The following MDGA2 variants were observed in gnomAD, a reference collection of about 807,000 sequenced individuals.
MDGA2 encodes MAM domain-containing glycosylphosphatidylinositol anchor protein 2.
MDGA2 carries 40 observed loss-of-function variants against 117.8 expected under a neutral mutation model. The observed-to-expected ratio is 0.34, with a 90% CI of 0.26 to 0.44. MDGA2 has a LOEUF of 0.44. MDGA2 is among the 20% of genes least tolerant of loss of function. MDGA2 has a pLI of 1.00. For missense variants in MDGA2, 1,123 were observed against 1,250.6 expected, an observed-to-expected ratio of 0.90 and a Z score of 1.54; for synonymous variants, 452 against 439.0, an observed-to-expected ratio of 1.03 and a Z score of -0.37.
At chr14:47,004,702 C>T (rs957422210) in intron 8 of MDGA2, among the ~76,000 whole-genome samples, 5 of 151,728 alleles carry the variant, frequency 3.3e-5, no homozygotes, top group East Asian at 1.9e-4. Flanking sequence ...TCACAATTTG[C>T]GAATAACTCA....
chr14:47,450,385 G>C (rs559326332), intron 1 of MDGA2, among the ~76,000 whole-genome samples: 41 of 152,070 alleles, frequency 2.7e-4, no homozygotes, highest in Admixed American at 1.2e-3. Flanking sequence ...ACTTAAATGA[G>C]CATCATCTAT....
At chr14:47,634,968 G>A (rs373163858) in intron 1 of MDGA2, among the ~76,000 whole-genome samples, 1 of 151,940 alleles carries the variant, frequency 6.6e-6, no homozygotes, top group South Asian at 2.1e-4. Context: ...GTGACCTCAG[G>A]CAAGTGACTT....
intron 5 of MDGA2, among the ~76,000 whole-genome samples, chr14:47,125,813 T>G (rs1242783390): frequency 1.3e-5 from 2 of 152,024 alleles, no homozygotes; most frequent in Non-Finnish European, 2.9e-5. Context: ...CCTATCCCTT[T>G]TTTATACACT....
At chr14:47,181,233 T>G (rs913100555) in intron 3 of MDGA2, among the ~76,000 whole-genome samples, 4 of 152,100 alleles carry the variant, frequency 2.6e-5, no homozygotes, top group Admixed American at 6.6e-5. Context: ...TCCCTCTCCT[T>G]GTCCCCCACC....
intron 1 of MDGA2, among the ~76,000 whole-genome samples, chr14:47,315,409 A>G (rs1330494318): frequency 6.6e-6 from 1 of 152,140 alleles, no homozygotes; most frequent in Non-Finnish European, 1.5e-5. Context: ...TAACTTCTAA[A>G]AAGTTTGCCT....
At position 47,408,103 on chromosome 14, in the gene MDGA2, T is replaced by C. The variant is rs957950801; in HGVS notation, c.281-106553A>G. On this transcript the variant is annotated intron_variant, in intron 1 of 16. Transcript: ENST00000399232. ...GTGGCATCTTGCTCTGTTGCCAGGC[T>C]GGAGTGCAGTGGCACAATCTTGGCT... Among the ~76,000 whole-genome samples, 3 of 140,538 alleles carry C rather than the reference T, an allele frequency of 2.1e-5. No homozygotes were observed. The East Asian group carries it at 6.5e-4, about 31-fold the overall frequency. The allele number at this position is 140,538 out of a possible 152,430, so 92.2% of individuals were successfully genotyped here.
chr14:46,914,774 GT>G (rs1180937364), intron 10 of MDGA2, among the ~76,000 whole-genome samples: 1 of 152,050 alleles, frequency 6.6e-6, no homozygotes, highest in Non-Finnish European at 1.5e-5. Context: ...AATGCATTAT[GT>G]AATCAAGGCA....
At chr14:47,495,561 T>C (rs1894264303) in intron 1 of MDGA2, among the ~76,000 whole-genome samples, 1 of 152,224 alleles carries the variant, frequency 6.6e-6, no homozygotes, top group South Asian at 2.1e-4. Flanking sequence ...TTTCAAATTA[T>C]ATACCCCCTA....
intron 1 of MDGA2, among the ~76,000 whole-genome samples, chr14:47,462,692 T>C (rs1207657019): frequency 6.6e-6 from 1 of 152,178 alleles, no homozygotes; most frequent in Non-Finnish European, 1.5e-5. Flanking sequence ...ACTATCAATG[T>C]AGAAGTTTTG....
chr14:47,155,447 C>T (rs1409714561), intron 3 of MDGA2, among the ~76,000 whole-genome samples: 2 of 152,158 alleles, frequency 1.3e-5, no homozygotes, highest in Non-Finnish European at 2.9e-5. Flanking sequence ...GTGACACTCT[C>T]TTCGGAGCTC....
chr14:47,035,664 A>G (rs1888820601), intron 7 of MDGA2, among the ~76,000 whole-genome samples: 1 of 152,102 alleles, frequency 6.6e-6, no homozygotes, highest in East Asian at 1.9e-4. Context: ...AGTAGTCACA[A>G]TAAGTGCAAG....
intron 10 of MDGA2, among the ~76,000 whole-genome samples, chr14:46,885,824 G>A (rs1882651609): frequency 6.6e-6 from 1 of 152,092 alleles, no homozygotes; most frequent in African/African-American, 2.4e-5. Flanking sequence ...GATGTGCCAA[G>A]GAGGACGCTG....
At chr14:47,276,573 T>C (rs1047254781) in intron 2 of MDGA2, among the ~76,000 whole-genome samples, 2 of 152,158 alleles carry the variant, frequency 1.3e-5, no homozygotes, top group Admixed American at 6.5e-5. Flanking sequence ...GGTCATACTA[T>C]AATTCCATTT....
rs185691987 is a variant in MDGA2, at chr14:47,395,323, C to A, written c.281-93773G>T. On this transcript the variant is annotated intron_variant, in intron 1 of 16. Coordinates refer to ENST00000399232, the MANE Select transcript of MDGA2 (RefSeq NM_001113498.3). ...TATACCAGTTTTGAAAATAAGTTCA[C>A]AATATGTAGTCATATCCCAGAGTGT... Among the ~76,000 whole-genome samples the A allele has an allele frequency of 2.0e-5, 3 of 152,130 alleles. No homozygotes were observed. In the East Asian group the frequency reaches 5.8e-4, roughly 29 times the overall value.
At chr14:47,079,784 T>G in intron 6 of MDGA2, among the ~76,000 whole-genome samples, 1 of 129,096 alleles carries the variant, frequency 7.7e-6, no homozygotes, top group Non-Finnish European at 1.6e-5. Context: ...CAGGCTGGAG[T>G]GCAGTGGCGC....
intron 2 of MDGA2, among the ~76,000 whole-genome samples, chr14:47,226,515 G>C (rs1886508784): frequency 6.6e-6 from 1 of 151,998 alleles, no homozygotes; most frequent in Non-Finnish European, 1.5e-5. Context: ...TAAACAATCG[G>C]AGAAAACAGA....
intron 1 of MDGA2, among the ~76,000 whole-genome samples, chr14:47,516,323 A>G (rs1174350086): frequency 6.6e-6 from 1 of 152,164 alleles, no homozygotes; most frequent in Non-Finnish European, 1.5e-5. Context: ...CCTGTAGCAG[A>G]CATTTATTGT....
chr14:47,170,096 A>G (rs1251196693), intron 3 of MDGA2, among the ~76,000 whole-genome samples: 1 of 152,148 alleles, frequency 6.6e-6, no homozygotes, highest in Non-Finnish European at 1.5e-5. Flanking sequence ...TCATACATGA[A>G]CACAGAGCTC....
At chr14:47,006,140 T>C (rs1887700965) in intron 8 of MDGA2, among the ~76,000 whole-genome samples, 2 of 151,326 alleles carry the variant, frequency 1.3e-5, no homozygotes, top group Non-Finnish European at 3.0e-5. Flanking sequence ...GGAATTGTTT[T>C]CAAAAAAATT....
Sources: allele counts gnomAD v4.1 joint callset (sites outside exome capture counted in the v4.1 genomes callset), GRCh38; gene constraint gnomAD v4.1.1; transcripts MANE v1.5; gene names NCBI Gene and HGNC (gene_info 2026-07-23, HGNC 2026-07-21).